The following PAWR variants were observed in gnomAD, a reference collection of about 807,000 sequenced individuals.
PAWR encodes the protein PRKC apoptosis WT1 regulator protein.
A neutral mutation model predicts 32.0 loss-of-function variants in PAWR; 23 were observed. That is an observed-to-expected ratio of 0.72 (90% CI 0.52 to 1.02). PAWR has a LOEUF of 1.02. Among genes scored for constraint, PAWR ranks in the 50% least tolerant of loss-of-function variants. The pLI, the probability that PAWR is intolerant of heterozygous loss-of-function variation, is 0.00. For synonymous variants in PAWR, 226 were observed against 187.1 expected, an observed-to-expected ratio of 1.21 and a Z score of -1.70; for missense variants, 457 against 437.7, an observed-to-expected ratio of 1.04 and a Z score of -0.39.
intron 2 of PAWR, among the ~76,000 whole-genome samples, chr12:79,647,966 A>C (rs1490414141): frequency 6.6e-6 from 1 of 152,020 alleles, no homozygotes; most frequent in Non-Finnish European, 1.5e-5. Flanking sequence ...CATAAAGAGC[A>C]TGCAACCTAG....
chr12:79,654,280 T>C (rs1192272807), intron 2 of PAWR, among the ~76,000 whole-genome samples: 1 of 152,166 alleles, frequency 6.6e-6, no homozygotes, highest in Non-Finnish European at 1.5e-5. Flanking sequence ...CATGGGCTTG[T>C]CAATCTAATG....
chr12:79,618,983 G>A (rs922794120), intron 3 of PAWR, among the ~76,000 whole-genome samples: 1 of 151,448 alleles, frequency 6.6e-6, no homozygotes, highest in African/African-American at 2.4e-5. Flanking sequence ...AGTTACCCAT[G>A]GTCAACCCAT....
intron 2 of PAWR, among the ~76,000 whole-genome samples, chr12:79,655,796 A>T (rs1877064915): frequency 6.6e-6 from 1 of 152,236 alleles, no homozygotes; most frequent in Admixed American, 6.5e-5. Context: ...TCCAATTCAG[A>T]ATATTAACAT....
chr12:79,647,406 T>G lies in PAWR; in HGVS notation c.517-26199A>C, dbSNP rs180923307. On this transcript the variant is annotated intron_variant, in intron 2 of 6. Transcript: ENST00000328827. ...GGGGCAAGTTTTTTGGGATTTACACTGACATAAGACAGGATGACCACAGAC... is the reference window on the plus strand; with the variant it reads ...GGGGCAAGTTTTTTGGGATTTACACGGACATAAGACAGGATGACCACAGAC... Among the ~76,000 whole-genome samples, 5 of 152,290 alleles carry G rather than the reference T, an allele frequency of 3.3e-5. No homozygotes were observed. In the East Asian group the frequency reaches 7.7e-4, roughly 23 times the overall value.
At chr12:79,675,717 G>A (rs1878130590) in intron 2 of PAWR, among the ~76,000 whole-genome samples, 1 of 152,096 alleles carries the variant, frequency 6.6e-6, no homozygotes, top group Non-Finnish European at 1.5e-5. Flanking sequence ...GGAAACAATA[G>A]TCACTGGGCC....
Position 79,617,202 on chromosome 12 carries a change from A to C in PAWR, c.649-3593T>G, listed in dbSNP as rs113418353. Among the ~76,000 whole-genome samples, 247 of 152,234 alleles carry C rather than the reference A, an allele frequency of 1.6e-3. 1 individual carries two copies. Among genetic ancestry groups the C allele is most frequent in the Admixed American group, 6.2e-3 (94 of 15,284 alleles). ...CCCTGTCTCTACTAAAAATACAACA[A>C]TTAGCTGGGCCTGGAGGCAAGTGCC... On this transcript the variant is annotated intron_variant, in intron 3 of 6. Coordinates refer to ENST00000328827, the MANE Select transcript of PAWR (RefSeq NM_002583.4).
intron 2 of PAWR, among the ~76,000 whole-genome samples, chr12:79,632,350 T>TAC (rs1875734609): frequency 1.7e-5 from 1 of 59,764 alleles, no homozygotes; most frequent in Non-Finnish European, 2.6e-5. Flanking sequence ...TATATATATA[T>TAC]ATATATATAT....
At chr12:79,674,301 A>G (rs981949193) in intron 2 of PAWR, among the ~76,000 whole-genome samples, 5 of 152,122 alleles carry the variant, frequency 3.3e-5, no homozygotes, top group African/African-American at 7.2e-5. Context: ...AGCAAAGGAG[A>G]AAGGACTCCT....
chr12:79,613,931 TTATATATATATATATATATATATA>T (rs71445219), intron 3 of PAWR, among the ~76,000 whole-genome samples: 3,113 of 46,692 alleles, frequency 0.067, 358 homozygotes, highest in African/African-American at 0.18. Context: ...AGTACCACCA[TTATATATATATATATATATATATA>T]TATATATATA....
intron 6 of PAWR, 140 bp downstream of exon 6, chr12:79,594,189 A>G (rs1873662093): frequency 1.9e-6 from 1 of 527,674 alleles, no homozygotes. Context: ...TTGGAAGAAA[A>G]TGATACCTCT....
At chr12:79,594,626 G>C (rs1173112426) in intron 5 of PAWR, among the ~76,000 whole-genome samples, 193 bp from the exon 6 acceptor site, 1 of 152,150 alleles carries the variant, frequency 6.6e-6, no homozygotes, top group East Asian at 1.9e-4. Context: ...GGAGATATTA[G>C]GATGCTCCTG....
At chr12:79,630,314 TA>T (rs771420959) in intron 2 of PAWR, among the ~76,000 whole-genome samples, 5 of 129,530 alleles carry the variant, frequency 3.9e-5, no homozygotes, top group Non-Finnish European at 3.0e-5. Context: ...TATATATATA[TA>T]TTTTTTTTGA....
At chr12:79,654,879 T>C (rs1212316861) in intron 2 of PAWR, among the ~76,000 whole-genome samples, 1 of 152,162 alleles carries the variant, frequency 6.6e-6, no homozygotes, top group African/African-American at 2.4e-5. Flanking sequence ...AAATGAGATT[T>C]GGGTGGGGAC....
chr12:79,610,037 C>T (rs945266508), intron 4 of PAWR, among the ~76,000 whole-genome samples: 3 of 152,174 alleles, frequency 2.0e-5, no homozygotes, highest in Non-Finnish European at 2.9e-5. Flanking sequence ...CCCCCTCCCA[C>T]GAGGGGTAGA....
intron 2 of PAWR, among the ~76,000 whole-genome samples, chr12:79,658,770 T>C (rs111855983): frequency 0.12 from 17,848 of 151,726 alleles, 1,130 homozygotes; most frequent in Non-Finnish European, 0.14. Flanking sequence ...TTCAAGCGAT[T>C]CTCCTGCCTC....
chr12:79,628,207 A>G (rs1245207598), intron 2 of PAWR, among the ~76,000 whole-genome samples: 1 of 152,216 alleles, frequency 6.6e-6, no homozygotes, highest in Non-Finnish European at 1.5e-5. Context: ...CTGAATGACT[A>G]CTGGGTACAT....
intron 4 of PAWR, chr12:79,604,361 G>A (rs529611774): frequency 1.4e-5 from 14 of 1,000,668 alleles, no homozygotes; most frequent in African/African-American, 8.7e-5. Context: ...GGGAATTTTC[G>A]CATCTTATGT....
Position 79,639,881 on chromosome 12 carries a change from T to TATTCCTATTCCTATTCC in PAWR, c.517-18675_517-18674insGGAATAGGAATAGGAAT. 4.2e-4 allele frequency among the ~76,000 whole-genome samples: 47 copies of TATTCCTATTCCTATTCC among 112,512 alleles called. 1 individual carries two copies. Among genetic ancestry groups the TATTCCTATTCCTATTCC allele is most frequent in the African/African-American group, 2.3e-3 (46 of 19,764 alleles). 73.8% of individuals were successfully genotyped at this position (112,512 alleles called of 152,430 possible). A position where few individuals can be genotyped will look rare whatever the true frequency, so the allele number is the denominator to read the frequency against. On this transcript the variant is annotated intron_variant, in intron 2 of 6. Transcript: ENST00000328827. ...CTATTCCTATTCCTATTCCTATTCC[T>TATTCCTATTCCTATTCC]ATTCCATTCCATTCCATTCCATTCC...
chr12:79,687,222 T>C (rs1226828863), intron 2 of PAWR, among the ~76,000 whole-genome samples: 1 of 152,208 alleles, frequency 6.6e-6, no homozygotes, highest in Non-Finnish European at 1.5e-5. Flanking sequence ...ACCTCCCAAA[T>C]AGCTAGTTTC....
Sources: gnomAD v4.1 joint callset for allele counts (sites outside exome capture counted in the v4.1 genomes callset) on GRCh38, gnomAD v4.1.1 for gene constraint, MANE v1.5 for transcripts, NCBI Gene and HGNC (gene_info 2026-07-23, HGNC 2026-07-21) for gene names.